COL6A2: variants seen among roughly 807,000 people sequenced by gnomAD.
COL6A2 encodes the protein collagen type VI alpha 2 chain.
A neutral mutation model predicts 124.9 loss-of-function variants in COL6A2; 90 were observed. That is an observed-to-expected ratio of 0.72 (90% CI 0.61 to 0.86). The LOEUF is 0.86. Among genes scored for constraint, COL6A2 ranks in the 40% least tolerant of loss-of-function variants. COL6A2 has a pLI of 0.00. For synonymous variants in COL6A2, 793 were observed against 618.2 expected (o/e 1.28, Z -4.19); for missense variants, 1,607 against 1,502.5 (o/e 1.07, Z -1.15).
chr21:46,126,138 A>G lies in COL6A2; in HGVS notation c.2323A>G (p.Ile775Val). ...GCACGAGAGTGAAAACCTCTACTCC[A>G]TCGCCTGCGACAAGCCACAGCAGGT... is the stretch of plus-strand genomic sequence containing the variant. ...EKHESENLYSIACDKPQQVRN... is the reference protein window; with the variant it reads ...EKHESENLYSVACDKPQQVRN... The change falls in exon 26 of 28, where the codon ATC (isoleucine) becomes GTC (valine). Residue 775 changes from isoleucine to valine, a missense_variant. This residue lies in a region of COL6A2 where 1,223 missense variants were observed against 1,052.2 expected (regional missense o/e 1.16). Coordinates refer to ENST00000300527, the MANE Select transcript of COL6A2 (RefSeq NM_001849.4). 1 of 1,611,438 alleles carries G rather than the reference A, an allele frequency of 6.2e-7. No individual in the cohort carries two copies. Among genetic ancestry groups the G allele is most frequent in the South Asian group, 1.1e-5 (1 of 91,086 alleles).
chr21:46,115,995 G>C lies in COL6A2; in HGVS notation c.856-14G>C, dbSNP rs759917394. On this transcript the variant is annotated splice_polypyrimidine_tract_variant and intron_variant, in intron 6 of 27. Coordinates refer to ENST00000300527, the MANE Select transcript of COL6A2 (RefSeq NM_001849.4). ...CCCAGGGCTGGGCTCACACTGCTGC[G>C]TTGTCCTTCACAGGGAGACCCGGGC... 4 of 1,611,664 alleles carry C rather than the reference G, an allele frequency of 2.5e-6. No individual in the cohort carries two copies. In the African/African-American group the frequency reaches 5.3e-5, roughly 21 times the overall value.
At chr21:46,111,285 G>A in intron 1 of COL6A2, 165 bp from the exon 2 acceptor site, 6 of 582,242 alleles carry the variant, frequency 1.0e-5, no homozygotes. Context: ...AAGCCCCCCA[G>A]TCCAGATGCT....
chr21:46,120,467 C>A, intron 15 of COL6A2, 48 bp from the exon 16 acceptor site: 1 of 1,474,834 alleles, frequency 6.8e-7, no homozygotes, highest in Non-Finnish European at 9.2e-7. Flanking sequence ...GGGACCCAGG[C>A]CGGAGGCCTC....
At chr21:46,124,584 G>C (rs940667093) in intron 21 of COL6A2, 67 bp from the exon 22 acceptor site, 3 of 1,499,948 alleles carry the variant, frequency 2.0e-6, no homozygotes, top group Admixed American at 3.3e-5. Flanking sequence ...ACAGCACAGG[G>C]GGCCCTGCTG....
chr21:46,111,262 G>A (rs1456501447), intron 1 of COL6A2, among the ~76,000 whole-genome samples, 188 bp from the exon 2 acceptor site: 2 of 152,234 alleles, frequency 1.3e-5, no homozygotes, highest in Non-Finnish European at 2.9e-5. Flanking sequence ...CCCAGGGTGG[G>A]GCAAGAGGGC....
chr21:46,111,454 T>G lies in COL6A2; in HGVS notation c.-23T>G. On this transcript the variant is annotated 5_prime_UTR_variant, in exon 2 of 28. Transcript: ENST00000300527. ...CGACCCCCACCCCTGTTGCAGGACTTCAGGGCCACAGGTGCTGCCAAGATG... is the reference window on the plus strand; with the variant it reads ...CGACCCCCACCCCTGTTGCAGGACTGCAGGGCCACAGGTGCTGCCAAGATG... 1 of 1,587,790 alleles carries G rather than the reference T, an allele frequency of 6.3e-7. No individual in the cohort carries two copies. The highest frequency in any genetic ancestry group is 1.1e-5 in the South Asian group (1 of 90,364).
At position 46,132,460 on chromosome 21, in the gene COL6A2, C is replaced by G. The variant is rs746012569; in HGVS notation, c.2968C>G (p.Leu990Val). 35 of 1,606,898 alleles carry G rather than the reference C, an allele frequency of 2.2e-5. No homozygotes were observed. Among genetic ancestry groups the G allele is most frequent in the Non-Finnish European group, 3.0e-5 (35 of 1,177,378 alleles). ...CATGGACGTGCTCACCACGCTCAGC[C>G]TGGGTGACCGCGCCGCCGTGTTCCA... Reference protein sequence around the residue: ...VDMDVLTTLSLGDRAAVFHEK... With the variant: ...VDMDVLTTLSVGDRAAVFHEK... Residue 990 changes from leucine (L) to valine (V), a missense_variant, in exon 28 of 28, where the codon CTG becomes GTG. This residue lies in a region of COL6A2 where 1,223 missense variants were observed against 1,052.2 expected (regional missense o/e 1.16). Coordinates refer to ENST00000300527, the MANE Select transcript of COL6A2 (RefSeq NM_001849.4).
chr21:46,128,484 G>GGCCC (rs150510142), intron 27 of COL6A2, among the ~76,000 whole-genome samples: 17 of 151,708 alleles, frequency 1.1e-4, no homozygotes, highest in Non-Finnish European at 2.4e-4. Context: ...ACCACTGGCT[G>GGCCC]TGGCCTGGCC....
At chr21:46,130,717 G>A (rs1218785105) in intron 27 of COL6A2, among the ~76,000 whole-genome samples, 2 of 152,218 alleles carry the variant, frequency 1.3e-5, no homozygotes, top group Non-Finnish European at 2.9e-5. Flanking sequence ...GGTGACAGCA[G>A]TGAAAATGTT....
chr21:46,117,814 G>A, intron 11 of COL6A2, 60 bp from the exon 12 acceptor site: 1 of 1,548,820 alleles, frequency 6.5e-7, no homozygotes, highest in Non-Finnish European at 8.8e-7. Context: ...CTTGGGCCCT[G>A]GCTCATGGGG....
chr21:46,126,476 T>TGGCCCGGCCCAGCCC, intron 26 of COL6A2, 27 bp from the exon 27 acceptor site: 2 of 1,611,510 alleles, frequency 1.2e-6, no homozygotes, highest in Non-Finnish European at 8.5e-7. Context: ...GACCCTGGCC[T>TGGCCCGGCCCAGCCC]GGCCCGGCCT....
Position 46,116,934 on chromosome 21 carries a change from C to CAG in COL6A2, c.999+121_999+122insGA. ...ACATGTGTACACACGCATACACACACACACACACACACACACACACACGAA... is the reference window on the plus strand; with the variant it reads ...ACATGTGTACACACGCATACACACACAGACACACACACACACACACACACGAA... On this transcript the variant is annotated intron_variant, in intron 10 of 27. Transcript: ENST00000300527. The surrounding 1 kb of genome is among the most constrained non-coding windows in gnomAD (Gnocchi z 4.6). 1.3e-6 allele frequency: 1 copy of CAG among 787,666 alleles called. No individual in the cohort carries two copies. Among genetic ancestry groups the CAG allele is most frequent in the South Asian group, 1.9e-5 (1 of 51,724 alleles). 48.8% of individuals were successfully genotyped at this position (787,666 alleles called of 1,614,324 possible). A position where few individuals can be genotyped will look rare whatever the true frequency, so the allele number is the denominator to read the frequency against.
intron 1 of COL6A2, among the ~76,000 whole-genome samples, chr21:46,110,071 C>T (rs975866545): frequency 1.3e-5 from 2 of 152,210 alleles, no homozygotes; most frequent in African/African-American, 2.4e-5. Flanking sequence ...CATGTCCTCT[C>T]GCAGCCTGGG....
At chr21:46,119,147 G>GC in intron 14 of COL6A2, 28 bp downstream of exon 14, 1 of 1,560,504 alleles carries the variant, frequency 6.4e-7, no homozygotes, top group Non-Finnish European at 8.8e-7. Flanking sequence ...CTGCCTCAGG[G>GC]CCCCGCTCTG....
intron 6 of COL6A2, 24 bp downstream of exon 6, chr21:46,115,949 G>A (rs574660347): frequency 2.9e-5 from 47 of 1,612,354 alleles, no homozygotes; most frequent in South Asian, 7.7e-5. Context: ...CCCCACGCCC[G>A]CCCCGCCTGC....
rs778542128 is a variant in COL6A2, at chr21:46,112,568, C to T, written c.705C>T (p.Ile235=). The change falls in exon 3 of 28, where the codon ATC becomes ATT. Residue 235 remains isoleucine, a synonymous_variant. Transcript: ENST00000300527. ...ACCAGGACACCATCAACCGCATCAT[C>T]AAGGTCATGGTGAGCCGCGGGCGGG... ...EIDQDTINRI[I]KVMKHEAYGE... is the part of the protein sequence containing the mutation. The T allele has an allele frequency of 2.5e-6, 4 of 1,612,194 alleles. No individual in the cohort carries two copies. The highest frequency in any genetic ancestry group is 1.1e-5 in the South Asian group (1 of 91,080).
At chr21:46,110,570 C>T (rs977357655) in intron 1 of COL6A2, among the ~76,000 whole-genome samples, 11 of 152,134 alleles carry the variant, frequency 7.2e-5, no homozygotes, top group East Asian at 1.9e-4. Flanking sequence ...CCACTCCAGA[C>T]GCCGCAAAAT....
chr21:46,109,319 T>C (rs2078369532), intron 1 of COL6A2, among the ~76,000 whole-genome samples: 2 of 152,214 alleles, frequency 1.3e-5, no homozygotes, highest in African/African-American at 4.8e-5. Context: ...CTGCTCTGAC[T>C]GAGCCTGGGG....
At chr21:46,125,371 G>A in intron 24 of COL6A2, 60 bp downstream of exon 24, 2 of 1,604,632 alleles carry the variant, frequency 1.2e-6, no homozygotes, top group Middle Eastern at 1.7e-4. Context: ...CGGGAGTGCA[G>A]CAGGGCTGGG....
Sources: allele counts gnomAD v4.1 joint callset (sites outside exome capture counted in the v4.1 genomes callset), GRCh38; gene constraint gnomAD v4.1.1; regional missense constraint gnomAD v4.1.1; non-coding constraint Gnocchi (gnomAD v3.1); transcripts MANE v1.5; gene names NCBI Gene and HGNC (gene_info 2026-07-23, HGNC 2026-07-21).